FAM227A: variants seen among roughly 807,000 people sequenced by gnomAD.
The protein encoded by FAM227A is family with sequence similarity 227 member A, also known as protein FAM227A.
In FAM227A, 80 loss-of-function variants were observed where a neutral mutation model predicts 74.7. The observed-to-expected ratio is 1.07, with a 90% CI of 0.89 to 1.29. FAM227A has a LOEUF of 1.29. FAM227A is among the 50% of genes most tolerant of loss of function. The pLI is 0.00. For synonymous variants in FAM227A, 237 were observed against 241.8 expected, an observed-to-expected ratio of 0.98 and a Z score of 0.19; for missense variants, 654 against 683.4, an observed-to-expected ratio of 0.96 and a Z score of 0.48.
At chr22:38,615,683 A>C (rs2091560869) in intron 11 of FAM227A, among the ~76,000 whole-genome samples, 2 of 152,228 alleles carry the variant, frequency 1.3e-5, no homozygotes, top group South Asian at 4.1e-4. Context: ...CGGCACTGCA[A>C]GTCAGGTGAG....
At chr22:38,645,191 C>A (rs908128145) in intron 3 of FAM227A, among the ~76,000 whole-genome samples, 4 of 150,840 alleles carry the variant, frequency 2.7e-5, no homozygotes, top group Admixed American at 1.3e-4. Context: ...AGAGAGCGAG[C>A]CCATCCTGGC....
chr22:38,617,156 C>T (rs937331435), intron 11 of FAM227A, among the ~76,000 whole-genome samples: 8 of 151,978 alleles, frequency 5.3e-5, no homozygotes, highest in African/African-American at 1.7e-4. Context: ...GCTGTGGGGC[C>T]GCACAGTCTT....
chr22:38,585,336 G>C lies in FAM227A; in HGVS notation c.*789C>G, dbSNP rs1320389259. ...AAAGATTCACTCAAATGAGCTGGAA[G>C]GTGAGAGGTTAAGAAGGCAGAAGCC... is the stretch of plus-strand genomic sequence containing the variant. On this transcript the variant is annotated 3_prime_UTR_variant, in exon 17 of 17. Transcript: ENST00000535113. The C allele has an allele frequency of 6.6e-6, 1 of 152,138 alleles. No individual in the cohort carries two copies. Among genetic ancestry groups the C allele is most frequent in the African/African-American group, 2.4e-5 (1 of 41,420 alleles). 9.4% of individuals were successfully genotyped at this position (152,138 alleles called of 1,614,324 possible). A position where few individuals can be genotyped will look rare whatever the true frequency, so the allele number is the denominator to read the frequency against.
chr22:38,627,596 GT>G (rs578018879), intron 8 of FAM227A, among the ~76,000 whole-genome samples: 12 of 147,594 alleles, frequency 8.1e-5, no homozygotes, highest in East Asian at 2.0e-4. Flanking sequence ...GAAAGGGAAA[GT>G]TTTTTTTTTG....
intron 3 of FAM227A, among the ~76,000 whole-genome samples, chr22:38,644,701 A>C (rs964550598): frequency 1.3e-5 from 2 of 152,244 alleles, no homozygotes; most frequent in Non-Finnish European, 2.9e-5. Flanking sequence ...GAATGTCAAC[A>C]GTGGGGGAGA....
intron 5 of FAM227A, among the ~76,000 whole-genome samples, 178 bp from the exon 6 acceptor site, chr22:38,636,775 T>A (rs1453323109): frequency 1.1e-4 from 16 of 150,102 alleles, no homozygotes; most frequent in East Asian, 3.9e-4. Flanking sequence ...TATTTCTTTT[T>A]TTTTTTTTTT....
In FAM227A at chr22:38,597,580, G is replaced by A. The variant is rs573062368; in HGVS notation, c.1380-224C>T. On this transcript the variant is annotated intron_variant, in intron 14 of 16. Transcript: ENST00000535113. ...AAGAGGCCATCCTATCCGTGGCCAG[G>A]CGTTCTCTACGTAGGAATAAAGTCC... 5.3e-5 allele frequency among the ~76,000 whole-genome samples: 8 copies of A among 152,286 alleles called. No individual in the cohort carries two copies. The East Asian group carries it at 1.5e-3, about 29-fold the overall frequency.
At position 38,613,265 on chromosome 22, in the gene FAM227A, A is replaced by ATTATATAT. The variant is rs1569207275; in HGVS notation, c.1039-5790_1039-5789insATATATAA. 2.2e-3 allele frequency among the ~76,000 whole-genome samples: 179 copies of ATTATATAT among 81,402 alleles called. 2 individuals are homozygous for ATTATATAT. The highest frequency in any genetic ancestry group is 9.6e-3 in the African/African-American group (175 of 18,312). The allele number at this position is 81,402 out of a possible 152,430, so 53.4% of individuals were successfully genotyped here. A position where few individuals can be genotyped will look rare whatever the true frequency, so the allele number is the denominator to read the frequency against. On this transcript the variant is annotated intron_variant, in intron 11 of 16. Transcript: ENST00000535113. ...TATATAATATATAACATATATTATA[A>ATTATATAT]CATATATTATATATCATATATAATA...
At chr22:38,651,140 T>G (rs1366346459) in intron 1 of FAM227A, among the ~76,000 whole-genome samples, 1 of 152,164 alleles carries the variant, frequency 6.6e-6, no homozygotes, top group Non-Finnish European at 1.5e-5. Context: ...CCTCTATGCC[T>G]TTCCAGATGT....
At chr22:38,628,451 C>A in intron 7 of FAM227A, 109 bp from the exon 8 acceptor site, 1 of 730,652 alleles carries the variant, frequency 1.4e-6, no homozygotes. Flanking sequence ...ATCTTATTCT[C>A]AAGATATTTA....
rs765712132 is a variant in FAM227A at position 38,582,322 on chromosome 22, T to C, written c.*3803A>G. 112 of 1,545,198 alleles carry C rather than the reference T, an allele frequency of 7.2e-5. No individual in the cohort carries two copies. In the African/African-American group the frequency reaches 1.3e-3, roughly 18 times the overall value. Reference sequence around the variant, plus strand: ...CATAAGCAATTCAAAATCAGGACTATAGGATTTTAACTTCATCTCTTCTAG... The same window carrying C: ...CATAAGCAATTCAAAATCAGGACTACAGGATTTTAACTTCATCTCTTCTAG... On this transcript the variant is annotated 3_prime_UTR_variant, in exon 17 of 17. Coordinates refer to ENST00000535113, the MANE Select transcript of FAM227A (RefSeq NM_001013647.2).
At chr22:38,642,894 C>T (rs1451731627) in intron 3 of FAM227A, among the ~76,000 whole-genome samples, 1 of 152,090 alleles carries the variant, frequency 6.6e-6, no homozygotes, top group African/African-American at 2.4e-5. Context: ...CCAGATTGCA[C>T]CACTGCACTC....
intron 3 of FAM227A, among the ~76,000 whole-genome samples, chr22:38,645,053 C>T (rs1355452983): frequency 1.3e-5 from 2 of 149,884 alleles, no homozygotes; most frequent in Admixed American, 1.3e-4. Context: ...CACCACTGCA[C>T]TCCAGTCTGG....
chr22:38,628,747 G>A (rs1019367295), intron 7 of FAM227A, 87 bp downstream of exon 7: 1 of 830,106 alleles, frequency 1.2e-6, no homozygotes, highest in Non-Finnish European at 2.0e-6. Context: ...GATCAGAGGG[G>A]CTTGTAGCTC....
At chr22:38,638,196 A>G (rs1216700166) in intron 5 of FAM227A, among the ~76,000 whole-genome samples, 3 of 152,174 alleles carry the variant, frequency 2.0e-5, no homozygotes, top group Admixed American at 6.5e-5. Flanking sequence ...GAACAAGCCA[A>G]GGAGGATCTG....
intron 15 of FAM227A, among the ~76,000 whole-genome samples, chr22:38,593,739 G>A (rs2090987559): frequency 1.3e-5 from 2 of 152,222 alleles, no homozygotes; most frequent in South Asian, 4.2e-4. Flanking sequence ...CACCCAGACT[G>A]GAGTGCACTG....
intron 13 of FAM227A, among the ~76,000 whole-genome samples, chr22:38,601,789 GAA>G (rs2091184325): frequency 6.6e-6 from 1 of 152,126 alleles, no homozygotes; most frequent in Non-Finnish European, 1.5e-5. Context: ...GTGAGAAAGA[GAA>G]GAGTCTAGGG....
At chr22:38,603,851 G>A (rs1014872392) in intron 13 of FAM227A, among the ~76,000 whole-genome samples, 1 of 152,098 alleles carries the variant, frequency 6.6e-6, no homozygotes, top group African/African-American at 2.4e-5. Context: ...GGGGTTATGT[G>A]AGTAAAGATT....
At chr22:38,601,056 A>T (rs879614887) in intron 13 of FAM227A, among the ~76,000 whole-genome samples, 5 of 152,222 alleles carry the variant, frequency 3.3e-5, no homozygotes, top group South Asian at 2.1e-4. Context: ...GTATTGAGTG[A>T]TTACTATGTA....
Sources: gnomAD v4.1 joint callset for allele counts (sites outside exome capture counted in the v4.1 genomes callset) on GRCh38, gnomAD v4.1.1 for gene constraint, MANE v1.5 for transcripts, NCBI Gene and HGNC (gene_info 2026-07-23, HGNC 2026-07-21) for gene names.